The following DLGAP4 variants were observed in gnomAD, a reference collection of about 807,000 sequenced individuals.
DLGAP4 encodes DLG associated protein 4.
DLGAP4 carries 18 observed loss-of-function variants against 86.9 expected under a neutral mutation model. The ratio of observed to expected loss-of-function variants is 0.21; its 90% CI spans 0.14 to 0.31. The LOEUF is 0.31. Ranked by LOEUF, DLGAP4 falls within the 10% of genes least tolerant of loss-of-function variation. The pLI is 1.00. For missense variants in DLGAP4, 1,085 were observed against 1,362.6 expected, an observed-to-expected ratio of 0.80 and a Z score of 3.21; for synonymous variants, 548 against 574.3, an observed-to-expected ratio of 0.95 and a Z score of 0.65.
At chr20:36,480,911 T>C (rs967131309) in intron 7 of DLGAP4, among the ~76,000 whole-genome samples, 1 of 151,630 alleles carries the variant, frequency 6.6e-6, no homozygotes, top group Non-Finnish European at 1.5e-5. Flanking sequence ...GAGGCTGAGG[T>C]GAGAGGATTG....
intron 2 of DLGAP4, among the ~76,000 whole-genome samples, chr20:36,415,737 A>G (rs1167395956): frequency 6.6e-6 from 1 of 152,122 alleles, no homozygotes; most frequent in Non-Finnish European, 1.5e-5. Flanking sequence ...CCTCCACGCC[A>G]TACACACACA....
At chr20:36,507,114 C>T (rs1462699185) in intron 10 of DLGAP4, among the ~76,000 whole-genome samples, 1 of 152,126 alleles carries the variant, frequency 6.6e-6, no homozygotes, top group African/African-American at 2.4e-5. Flanking sequence ...AATAATGTTT[C>T]CTGTCTCTTA....
chr20:36,446,855 G>A lies in DLGAP4; in HGVS notation c.1566G>A (p.Ser522=), dbSNP rs148507364. The change falls in exon 7 of 13, where the codon TCG becomes TCA. Residue 522 remains serine, a synonymous_variant. Coordinates refer to ENST00000339266, the MANE Select transcript of DLGAP4 (RefSeq NM_001365621.2). The stretch of plus-strand genomic sequence containing the variant: ...TGCGTGCCATCCAGGCAGGCTGCTC[G>A]CAGGAGGAGGACAGTGTCTCCCTGC... ...SYLRAIQAGC[S]QEEDSVSLQS... 1.3e-4 allele frequency: 216 copies of A among 1,613,106 alleles called. No homozygotes were observed. The African/African-American group carries it at 2.3e-3, about 17-fold the overall frequency.
chr20:36,377,023 C>A (rs1215039937), intron 2 of DLGAP4, among the ~76,000 whole-genome samples: 1 of 152,154 alleles, frequency 6.6e-6, no homozygotes, highest in African/African-American at 2.4e-5. Context: ...ACCTGGGCAA[C>A]TGTGTAAGGA....
intron 10 of DLGAP4, among the ~76,000 whole-genome samples, chr20:36,513,162 C>A (rs1177614751): frequency 6.6e-6 from 1 of 151,322 alleles, no homozygotes; most frequent in Non-Finnish European, 1.5e-5. Flanking sequence ...GAACTCAAGT[C>A]ATCTGCCCAT....
intron 10 of DLGAP4, among the ~76,000 whole-genome samples, chr20:36,515,685 A>C (rs1353653403): frequency 2.0e-5 from 3 of 152,146 alleles, no homozygotes; most frequent in Non-Finnish European, 4.4e-5. Flanking sequence ...TGGGCCTCCC[A>C]AAGTGTTGGA....
At chr20:36,458,737 CAG>C (rs1370658313) in intron 7 of DLGAP4, among the ~76,000 whole-genome samples, 5 of 152,068 alleles carry the variant, frequency 3.3e-5, no homozygotes, top group Admixed American at 6.6e-5. Context: ...AAAGACTACT[CAG>C]GGGGCTGCAT....
intron 2 of DLGAP4, among the ~76,000 whole-genome samples, chr20:36,383,206 C>G (rs947327873): frequency 1.2e-4 from 19 of 152,144 alleles, no homozygotes; most frequent in African/African-American, 4.6e-4. Context: ...AAGAAGGGCT[C>G]AAGGCAGCTC....
chr20:36,466,859 C>G (rs2034377351), intron 7 of DLGAP4, among the ~76,000 whole-genome samples: 1 of 152,130 alleles, frequency 6.6e-6, no homozygotes, highest in Admixed American at 6.5e-5. Flanking sequence ...GGCCAGTGAA[C>G]AGTTTCCTCA....
chr20:36,425,991 C>T (rs2032962939), intron 2 of DLGAP4, among the ~76,000 whole-genome samples: 1 of 152,126 alleles, frequency 6.6e-6, no homozygotes, highest in African/African-American at 2.4e-5. Context: ...ACCCAGGTGT[C>T]CATCCAAAGA....
chr20:36,481,143 G>T (rs2035169162), intron 7 of DLGAP4, among the ~76,000 whole-genome samples: 1 of 152,198 alleles, frequency 6.6e-6, no homozygotes, highest in African/African-American at 2.4e-5. Flanking sequence ...GGGGACTTCA[G>T]TTTCCTCCCT....
intron 2 of DLGAP4, among the ~76,000 whole-genome samples, chr20:36,400,367 T>G (rs2032120733): frequency 6.6e-6 from 1 of 152,242 alleles, no homozygotes; most frequent in Non-Finnish European, 1.5e-5. Context: ...GGTGCTGGCA[T>G]CTGATTCCTT....
At chr20:36,366,786 G>A (rs1447613560) in intron 1 of DLGAP4, among the ~76,000 whole-genome samples, 2 of 152,214 alleles carry the variant, frequency 1.3e-5, no homozygotes. Context: ...GACTGCTGTG[G>A]GGATTCTGTG....
intron 7 of DLGAP4, among the ~76,000 whole-genome samples, chr20:36,474,675 T>C (rs912717841): frequency 4.6e-5 from 7 of 151,834 alleles, no homozygotes; most frequent in African/African-American, 1.7e-4. Flanking sequence ...CCAGTAAAGG[T>C]AGGGCTGCCA....
At chr20:36,484,894 CAG>C (rs2035343526) in intron 7 of DLGAP4, among the ~76,000 whole-genome samples, 1 of 152,234 alleles carries the variant, frequency 6.6e-6, no homozygotes, top group Admixed American at 6.5e-5. Flanking sequence ...TTTGAAAATT[CAG>C]AGGAGTTTTT....
At chr20:36,396,335 A>ACG (rs2031952040) in intron 2 of DLGAP4, among the ~76,000 whole-genome samples, 3 of 442 alleles carry the variant, frequency 6.8e-3, no homozygotes, top group African/African-American at 0.034. Flanking sequence ...ACACACACAC[A>ACG]CGCACACACA....
intron 10 of DLGAP4, among the ~76,000 whole-genome samples, chr20:36,511,500 G>C (rs945555136): frequency 6.6e-6 from 1 of 152,008 alleles, no homozygotes; most frequent in Admixed American, 6.6e-5. Flanking sequence ...CACTGCACCT[G>C]GCCTCCTGCA....
intron 2 of DLGAP4, among the ~76,000 whole-genome samples, chr20:36,402,170 C>A (rs191438018): frequency 2.7e-4 from 41 of 152,320 alleles, no homozygotes; most frequent in Middle Eastern, 3.4e-3. Flanking sequence ...CCCCAGGTTC[C>A]GTGCTAGGGC....
At chr20:36,414,268 A>G (rs2032590774) in intron 2 of DLGAP4, among the ~76,000 whole-genome samples, 1 of 152,130 alleles carries the variant, frequency 6.6e-6, no homozygotes, top group Non-Finnish European at 1.5e-5. Flanking sequence ...CCCTGCTGGA[A>G]TGGGAAGGCG....
Sources: allele counts gnomAD v4.1 joint callset (sites outside exome capture counted in the v4.1 genomes callset), GRCh38; gene constraint gnomAD v4.1.1; transcripts MANE v1.5; gene names NCBI Gene and HGNC (gene_info 2026-07-23, HGNC 2026-07-21).